The following KLRD1 variants were observed in gnomAD, a reference collection of about 807,000 sequenced individuals.
The protein encoded by KLRD1 is killer cell lectin like receptor D1.
KLRD1 carries 21 observed loss-of-function variants against 22.6 expected under a neutral mutation model. That is an observed-to-expected ratio of 0.93 (90% CI 0.66 to 1.34). The LOEUF is 1.34. Among genes scored for constraint, KLRD1 ranks in the 40% most tolerant of loss-of-function variants. The probability of loss-of-function intolerance (pLI) is 0.00; values close to 1 mark genes in which losing one functional copy is unlikely to be tolerated. For missense variants in KLRD1, 183 were observed against 208.6 expected (o/e 0.88, Z 0.76); for synonymous variants, 59 against 71.1 (o/e 0.83, Z 0.85).
At chr12:10,292,920 T>A (rs1949782961) in intron 1 of KLRD1, among the ~76,000 whole-genome samples, 1 of 151,926 alleles carries the variant, frequency 6.6e-6, no homozygotes, top group Admixed American at 6.6e-5. Context: ...CTGGATAACT[T>A]GCTGTAGCTT....
chr12:10,308,073 T>C lies in KLRD1; in HGVS notation c.-5T>C, dbSNP rs1949965067. The C allele has an allele frequency of 6.2e-7, 1 of 1,612,232 alleles. No homozygotes were observed. Among genetic ancestry groups the C allele is most frequent in the Admixed American group, 1.7e-5 (1 of 59,996 alleles). On this transcript the variant is annotated 5_prime_UTR_variant, in exon 1 of 6. Transcript: ENST00000336164. ...CTCTACTTCGCTCTTGGAACATAATTTCTCATGGCAGGTATGTGTGATTTC... is the reference window on the plus strand; with the variant it reads ...CTCTACTTCGCTCTTGGAACATAATCTCTCATGGCAGGTATGTGTGATTTC...
rs1167481782 is a variant in KLRD1, at chr12:10,329,052, T to A, written c.*14259T>A. The A allele has an allele frequency of 6.6e-6, 1 of 152,174 alleles. No individual in the cohort carries two copies. Among genetic ancestry groups the A allele is most frequent in the East Asian group, 1.9e-4 (1 of 5,198 alleles). The allele number at this position is 152,174 out of a possible 1,614,324, so 9.4% of individuals were successfully genotyped here. ...ATGGGGGAATTATGGGAGCTACAAT[T>A]CAAGATGAGATTTGGGTGGGGACAC... On this transcript the variant is annotated 3_prime_UTR_variant, in exon 6 of 6. Transcript: ENST00000336164.
intron 1 of KLRD1, among the ~76,000 whole-genome samples, chr12:10,286,472 G>C (rs1290357680): frequency 6.6e-6 from 1 of 151,792 alleles, no homozygotes; most frequent in African/African-American, 2.4e-5. Context: ...AATCTTAAAG[G>C]GGTTATGTAA....
chr12:10,275,992 A>G (rs1592049025), intron 1 of KLRD1, among the ~76,000 whole-genome samples: 1 of 152,168 alleles, frequency 6.6e-6, no homozygotes, highest in South Asian at 2.1e-4. Flanking sequence ...ACATATTCTT[A>G]GTAGCTTTTT....
intron 1 of KLRD1, among the ~76,000 whole-genome samples, chr12:10,272,442 T>C (rs943254148): frequency 7.9e-5 from 12 of 152,248 alleles, no homozygotes; most frequent in Non-Finnish European, 1.6e-4. Context: ...CAAATCCTCC[T>C]CTAAAAGTAC....
At position 10,326,035 on chromosome 12, in the gene KLRD1, A is replaced by G. The variant is rs1048281804; in HGVS notation, c.*11242A>G. 4 of 152,156 alleles carry G rather than the reference A, an allele frequency of 2.6e-5. No individual in the cohort carries two copies. Among genetic ancestry groups the G allele is most frequent in the Non-Finnish European group, 5.9e-5 (4 of 68,024 alleles). The allele number at this position is 152,156 out of a possible 1,614,324, so 9.4% of individuals were successfully genotyped here. ...TGAGAGATGATATTTGGTGGTTATA[A>G]TTTGCATTTCCCTGATGATTAGTGA... is the stretch of plus-strand genomic sequence containing the variant. On this transcript the variant is annotated 3_prime_UTR_variant, in exon 6 of 6. Coordinates refer to ENST00000336164, the MANE Select transcript of KLRD1 (RefSeq NM_002262.5).
chr12:10,255,062 A>G lies in KLRD1; in HGVS notation c.-101+28829A>G, dbSNP rs1013762013. Among the ~76,000 whole-genome samples the G allele has an allele frequency of 6.8e-5, 9 of 132,752 alleles. 1 individual carries two copies. The highest frequency in any genetic ancestry group is 1.3e-4 in the Non-Finnish European group (8 of 60,486). 87.1% of individuals were successfully genotyped at this position (132,752 alleles called of 152,430 possible). ...AATGAGACACTGTCTCACATCAGTCAGAATGCCTATTATTAAAAAGTCAAA... is the reference window on the plus strand; with the variant it reads ...AATGAGACACTGTCTCACATCAGTCGGAATGCCTATTATTAAAAAGTCAAA... On this transcript the variant is annotated intron_variant, in intron 1 of 5. Coordinates refer to the KLRD1 transcript ENST00000544747.
intron 1 of KLRD1, among the ~76,000 whole-genome samples, chr12:10,247,362 A>G (rs972985942): frequency 3.5e-4 from 53 of 152,280 alleles, no homozygotes; most frequent in Middle Eastern, 3.4e-3. Context: ...GTTAACATTT[A>G]TAATTTATTT....
Position 10,263,847 on chromosome 12 carries a change from G to A in KLRD1, c.-101+37614G>A, listed in dbSNP as rs77837351. Among the ~76,000 whole-genome samples, 325 of 152,118 alleles carry A rather than the reference G, an allele frequency of 2.1e-3. 3 individuals are homozygous for A. Among genetic ancestry groups the A allele is most frequent in the Admixed American group, 0.014 (215 of 15,284 alleles). On this transcript the variant is annotated intron_variant, in intron 1 of 5. Coordinates refer to the KLRD1 transcript ENST00000544747. The stretch of plus-strand genomic sequence containing the variant: ...TTCTTATGATGATTTAATGGAAAAA[G>A]AAGAAAATATTGTCACTAGTTTTCC...
chr12:10,270,775 C>T (rs1301027354), intron 1 of KLRD1, among the ~76,000 whole-genome samples: 3 of 126,246 alleles, frequency 2.4e-5, no homozygotes, highest in Non-Finnish European at 4.8e-5. Context: ...TAGTTCATTT[C>T]CCTCCCGTAA....
At chr12:10,273,967 T>G (rs1186607523) in intron 1 of KLRD1, among the ~76,000 whole-genome samples, 3 of 152,054 alleles carry the variant, frequency 2.0e-5, no homozygotes, top group Non-Finnish European at 2.9e-5. Context: ...AATTAAAAAT[T>G]ATCACAATGG....
At chr12:10,283,181 A>AG (rs981077758) in intron 1 of KLRD1, among the ~76,000 whole-genome samples, 1 of 152,254 alleles carries the variant, frequency 6.6e-6, no homozygotes, top group African/African-American at 2.4e-5. Flanking sequence ...ACAAGGGAGC[A>AG]GGTGGGTTTA....
chr12:10,252,767 C>CCAAG (rs1949356912), intron 1 of KLRD1, among the ~76,000 whole-genome samples: 1 of 151,978 alleles, frequency 6.6e-6, no homozygotes, highest in Non-Finnish European at 1.5e-5. Flanking sequence ...TTCAAGTGAA[C>CCAAG]CAAGACATGA....
intron 1 of KLRD1, among the ~76,000 whole-genome samples, chr12:10,282,830 A>C (rs1949658727): frequency 2.0e-5 from 3 of 152,190 alleles, no homozygotes; most frequent in Non-Finnish European, 4.4e-5. Context: ...GGAACTGTTC[A>C]AATAGTGGAC....
At chr12:10,255,239 C>T (rs1949384344) in intron 1 of KLRD1, among the ~76,000 whole-genome samples, 3 of 152,110 alleles carry the variant, frequency 2.0e-5, no homozygotes, top group Admixed American at 2.0e-4. Flanking sequence ...AATTTGAGGA[C>T]TTTTAAAAAT....
intron 1 of KLRD1, among the ~76,000 whole-genome samples, chr12:10,243,991 T>A (rs1020838625): frequency 6.6e-6 from 1 of 152,148 alleles, no homozygotes; most frequent in African/African-American, 2.4e-5. Flanking sequence ...AGCTTGCCTG[T>A]CTATGTGGTT....
At chr12:10,251,068 A>T (rs545657869) in intron 1 of KLRD1, among the ~76,000 whole-genome samples, 13 of 152,240 alleles carry the variant, frequency 8.5e-5, no homozygotes, top group African/African-American at 3.1e-4. Flanking sequence ...TTAACTACAG[A>T]TGTTAACATA....
intron 1 of KLRD1, among the ~76,000 whole-genome samples, chr12:10,243,026 G>GTGAA (rs1949255477): frequency 1.3e-5 from 2 of 152,060 alleles, no homozygotes; most frequent in Non-Finnish European, 2.9e-5. Context: ...AATAAGCCAA[G>GTGAA]CACAGAAAGA....
intron 1 of KLRD1, among the ~76,000 whole-genome samples, chr12:10,269,189 C>A (rs781062122): frequency 6.6e-6 from 1 of 151,860 alleles, no homozygotes; most frequent in African/African-American, 2.4e-5. Flanking sequence ...CTCACTTTGC[C>A]GCCCCGGCTG....
Sources: gnomAD v4.1 joint callset for allele counts (sites outside exome capture counted in the v4.1 genomes callset) on GRCh38, gnomAD v4.1.1 for gene constraint, MANE v1.5 for transcripts, NCBI Gene and HGNC (gene_info 2026-07-23, HGNC 2026-07-21) for gene names.